Variants in SLC20A2 observed in about 807,000 individuals in gnomAD.
SLC20A2 encodes the protein solute carrier family 20 member 2.
A neutral mutation model predicts 61.0 loss-of-function variants in SLC20A2; 30 were observed. The ratio of observed to expected loss-of-function variants is 0.49; its 90% CI spans 0.37 to 0.67. The LOEUF is 0.67. SLC20A2 is among the 30% of genes least tolerant of loss of function. SLC20A2 has a pLI of 0.00. For missense variants in SLC20A2, 626 were observed against 866.4 expected, an observed-to-expected ratio of 0.72 and a Z score of 3.48; for synonymous variants, 351 against 353.3, an observed-to-expected ratio of 0.99 and a Z score of 0.07.
Position 42,533,231 on chromosome 8 carries a change from G to A in SLC20A2, c.-265+8590C>T, listed in dbSNP as rs1055031335. On this transcript the variant is annotated intron_variant, in intron 1 of 10. Coordinates refer to the SLC20A2 transcript ENST00000342228. The stretch of plus-strand genomic sequence containing the variant: ...TACAGAAGAAAAAATTGTTGATGAG[G>A]TTAACTGACTTAGCCATAACAGCTG... Among the ~76,000 whole-genome samples, 31 of 152,170 alleles carry A rather than the reference G, an allele frequency of 2.0e-4. 1 individual carries two copies. The highest frequency in any genetic ancestry group is 2.0e-3 in the Admixed American group (31 of 15,280).
intron 1 of SLC20A2, among the ~76,000 whole-genome samples, chr8:42,483,633 T>C (rs150775010): frequency 3.3e-5 from 5 of 152,344 alleles, no homozygotes; most frequent in Non-Finnish European, 7.4e-5. Flanking sequence ...TTTCTTCCTT[T>C]CCGTATGCAC....
chr8:42,489,230 C>T (rs915398920), intron 1 of SLC20A2, among the ~76,000 whole-genome samples: 2 of 152,090 alleles, frequency 1.3e-5, no homozygotes, highest in African/African-American at 4.8e-5. Context: ...TGAGCCACCG[C>T]GCTTGGCCAG....
At chr8:42,463,175 A>C in intron 3 of SLC20A2, 85 bp from the exon 4 acceptor site, 1 of 722,968 alleles carries the variant, frequency 1.4e-6, no homozygotes, top group Non-Finnish European at 2.3e-6. Context: ...GATAAACAAA[A>C]TGTATTACAT....
At chr8:42,424,580 C>T (rs1171453954) in intron 10 of SLC20A2, among the ~76,000 whole-genome samples, 1 of 152,150 alleles carries the variant, frequency 6.6e-6, no homozygotes, top group African/African-American at 2.4e-5. Flanking sequence ...AACCAGAATA[C>T]ATACAGAGGG....
intron 2 of SLC20A2, among the ~76,000 whole-genome samples, chr8:42,466,418 C>T (rs1169170060): frequency 6.6e-6 from 1 of 152,202 alleles, no homozygotes; most frequent in Non-Finnish European, 1.5e-5. Context: ...TCTCCTGGTG[C>T]TACACACTGA....
At chr8:42,505,098 AC>A (rs751756548), upstream of SLC20A2, among the ~76,000 whole-genome samples, 6 of 47,102 alleles carry the variant, frequency 1.3e-4, no homozygotes, top group South Asian at 4.7e-3. Context: ...GGGACGCAAT[AC>A]CCCCCCAACC....
At chr8:42,447,704 T>C (rs1805337837) in intron 5 of SLC20A2, among the ~76,000 whole-genome samples, 1 of 152,122 alleles carries the variant, frequency 6.6e-6, no homozygotes, top group Admixed American at 6.6e-5. Context: ...TTTTTTATAA[T>C]TGTAAGAGAT....
intron 1 of SLC20A2, among the ~76,000 whole-genome samples, chr8:42,532,797 G>C (rs957373356): frequency 1.3e-5 from 2 of 152,162 alleles, no homozygotes; most frequent in East Asian, 1.9e-4. Context: ...AGGACTGACC[G>C]GGCTGAGTGG....
At chr8:42,474,387 A>C (rs751718585) in intron 1 of SLC20A2, among the ~76,000 whole-genome samples, 4 of 152,224 alleles carry the variant, frequency 2.6e-5, no homozygotes, top group Admixed American at 2.0e-4. Context: ...GCACACAATG[A>C]AACAGAAAAT....
chr8:42,503,415 A>G (rs1352383073), upstream of SLC20A2, among the ~76,000 whole-genome samples: 2 of 152,222 alleles, frequency 1.3e-5, no homozygotes, highest in Non-Finnish European at 2.9e-5. Flanking sequence ...GAAATTAAAG[A>G]AAATTACTAT....
chr8:42,459,448 G>C (rs986581466), intron 5 of SLC20A2, among the ~76,000 whole-genome samples: 3 of 152,034 alleles, frequency 2.0e-5, no homozygotes, highest in Non-Finnish European at 2.9e-5. Flanking sequence ...GGGCATTGCT[G>C]ATGTGTGGAC....
chr8:42,487,223 G>A lies in SLC20A2; in HGVS notation c.-265+13808C>T, dbSNP rs546018032. On this transcript the variant is annotated intron_variant, in intron 1 of 10. Coordinates refer to ENST00000520262, the MANE Select transcript of SLC20A2 (RefSeq NM_001257180.2). ...GACAGAGTTTCATTCTGTCGCCCAG[G>A]CTGGAGTGCAGTGGCGCGATCTTGG... Among the ~76,000 whole-genome samples, 7 of 143,258 alleles carry A rather than the reference G, an allele frequency of 4.9e-5. No individual in the cohort carries two copies. The South Asian group carries it at 1.5e-3, about 32-fold the overall frequency. 94.0% of individuals were successfully genotyped at this position (143,258 alleles called of 152,430 possible). A position where few individuals can be genotyped will look rare whatever the true frequency, so the allele number is the denominator to read the frequency against.
chr8:42,455,241 A>AT (rs1554555112), intron 5 of SLC20A2, among the ~76,000 whole-genome samples: 1,671 of 102,376 alleles, frequency 0.016, 50 homozygotes, highest in African/African-American at 0.046. Context: ...AAAAAAAAAA[A>AT]ATATATATAT....
At position 42,437,563 on chromosome 8, in the gene SLC20A2, T is replaced by G. The variant is rs1428046444; in HGVS notation, c.949A>C (p.Met317Leu). The G allele has an allele frequency of 1.2e-6, 2 of 1,602,386 alleles. No individual in the cohort carries two copies. The highest frequency in any genetic ancestry group is 1.7e-6 in the Non-Finnish European group (2 of 1,174,748). Reference protein sequence around the residue: ...PRAAYGRALSMTHGSVKSPIS... With the variant: ...PRAAYGRALSLTHGSVKSPIS... ...GGCGATTTCACAGAGCCATGGGTCA[T>G]GGACAGTGCTCTTCCTGAAAAGGGT... The change falls in exon 8 of 11, where the codon ATG becomes CTG. Residue 317 changes from methionine (M) to leucine (L), a missense_variant. Met to Leu is a conservative substitution (Grantham distance 15). Transcript: ENST00000520262. This position sits in a 1 kb window ranked among gnomAD's most constrained non-coding sequence, Gnocchi z 6.4.
intron 5 of SLC20A2, among the ~76,000 whole-genome samples, chr8:42,454,524 C>T (rs567296338): frequency 2.2e-4 from 34 of 152,134 alleles, no homozygotes; most frequent in African/African-American, 7.0e-4. Flanking sequence ...CCTGACAGAA[C>T]AGCCACCCAA....
chr8:42,432,366 AGAACT>A (rs1563447143), intron 8 of SLC20A2, among the ~76,000 whole-genome samples: 2 of 152,238 alleles, frequency 1.3e-5, no homozygotes, highest in African/African-American at 4.8e-5. Flanking sequence ...ATCTCATGAA[AGAACT>A]TGAAAAGATG....
intron 1 of SLC20A2, among the ~76,000 whole-genome samples, chr8:42,487,302 C>T (rs1322298986): frequency 1.3e-5 from 2 of 151,742 alleles, no homozygotes; most frequent in East Asian, 3.9e-4. Flanking sequence ...CTCAGCCTCC[C>T]AAGTAGCTGG....
At chr8:42,444,573 C>G (rs200652732) in intron 6 of SLC20A2, 73 bp downstream of exon 6, 1 of 1,110,922 alleles carries the variant, frequency 9.0e-7, no homozygotes. Context: ...TAGTAAGGAT[C>G]ATGGCATGTT....
chr8:42,419,539 A>G, intron 10 of SLC20A2: 1 of 173,334 alleles, frequency 5.8e-6, no homozygotes, highest in Non-Finnish European at 1.1e-5. Context: ...ACAGAATGAG[A>G]CTCAGTCTCA....
Sources: gnomAD v4.1 joint callset for allele counts (sites outside exome capture counted in the v4.1 genomes callset) on GRCh38, gnomAD v4.1.1 for gene constraint, Gnocchi (gnomAD v3.1) non-coding constraint, MANE v1.5 for transcripts, NCBI Gene and HGNC (gene_info 2026-07-23, HGNC 2026-07-21) for gene names.